The following GRM7 variants were observed in gnomAD, a reference collection of about 807,000 sequenced individuals.
GRM7 encodes the protein glutamate metabotropic receptor 7, also known as metabotropic glutamate receptor 7.
In GRM7, 35 loss-of-function variants were observed where a neutral mutation model predicts 84.5. The ratio of observed to expected loss-of-function variants is 0.41; its 90% CI spans 0.32 to 0.55. The LOEUF (loss-of-function observed/expected upper bound fraction) is 0.55. Ranked by LOEUF, GRM7 falls within the 20% of genes least tolerant of loss-of-function variation. The probability of loss-of-function intolerance (pLI) is 0.19; values close to 1 mark genes in which losing one functional copy is unlikely to be tolerated. For missense variants in GRM7, 1,003 were observed against 1,194.6 expected, an observed-to-expected ratio of 0.84 and a Z score of 2.36; for synonymous variants, 487 against 455.1, an observed-to-expected ratio of 1.07 and a Z score of -0.89.
intron 8 of GRM7, among the ~76,000 whole-genome samples, chr3:7,656,547 G>GCACACACACA (rs36040422): frequency 5.3e-4 from 74 of 139,208 alleles, no homozygotes; most frequent in African/African-American, 1.7e-3. Flanking sequence ...ATACGCGCGC[G>GCACACACACA]CACACACACA....
chr3:7,006,220 A>G (rs1695179809), intron 1 of GRM7, among the ~76,000 whole-genome samples: 1 of 152,186 alleles, frequency 6.6e-6, no homozygotes, highest in Non-Finnish European at 1.5e-5. Context: ...TCATAGCCTT[A>G]TCATTTTTAG....
At chr3:6,877,274 C>CTGATT (rs1206760568) in intron 1 of GRM7, among the ~76,000 whole-genome samples, 6 of 152,214 alleles carry the variant, frequency 3.9e-5, no homozygotes, top group African/African-American at 1.4e-4. Flanking sequence ...CTAGCTGATT[C>CTGATT]CACAGTGTCA....
chr3:7,341,552 C>A (rs767114749), intron 4 of GRM7, among the ~76,000 whole-genome samples: 8 of 152,042 alleles, frequency 5.3e-5, no homozygotes, highest in Non-Finnish European at 1.2e-4. Flanking sequence ...CAAGAGCTTG[C>A]AGTCTAGTAT....
At chr3:7,022,594 A>G (rs1366041216) in intron 1 of GRM7, among the ~76,000 whole-genome samples, 1 of 152,162 alleles carries the variant, frequency 6.6e-6, no homozygotes, top group Non-Finnish European at 1.5e-5. Context: ...AAAATGTTTA[A>G]GTATATATAT....
chr3:7,647,870 A>G (rs2125111098), intron 8 of GRM7, among the ~76,000 whole-genome samples: 1 of 152,340 alleles, frequency 6.6e-6, no homozygotes, highest in Non-Finnish European at 1.5e-5. Flanking sequence ...GGTTAGCAGG[A>G]AAGAAAATAA....
At chr3:7,048,270 G>T (rs752567970) in intron 1 of GRM7, among the ~76,000 whole-genome samples, 1 of 151,948 alleles carries the variant, frequency 6.6e-6, no homozygotes, top group Non-Finnish European at 1.5e-5. Flanking sequence ...CAAGCTCAGA[G>T]TTGGGTTACC....
At chr3:6,970,853 G>T (rs896318909) in intron 1 of GRM7, among the ~76,000 whole-genome samples, 15 of 152,044 alleles carry the variant, frequency 9.9e-5, no homozygotes, top group Non-Finnish European at 1.5e-4. Flanking sequence ...GTGGTGGCGG[G>T]CGCCTGTAGT....
At chr3:6,942,447 G>C (rs1198239949) in intron 1 of GRM7, among the ~76,000 whole-genome samples, 1 of 152,042 alleles carries the variant, frequency 6.6e-6, no homozygotes, top group African/African-American at 2.4e-5. Flanking sequence ...GCTTCCGTCA[G>C]ATTTATTTAC....
intron 6 of GRM7, 50 bp from the exon 7 acceptor site, chr3:7,461,533 A>C (rs776336220): frequency 3.4e-6 from 5 of 1,474,280 alleles, no homozygotes; most frequent in East Asian, 2.3e-5. Context: ...CAAGAGATAT[A>C]AGGAATCTTG....
At chr3:7,264,224 A>C (rs1698549328) in intron 2 of GRM7, among the ~76,000 whole-genome samples, 1 of 152,194 alleles carries the variant, frequency 6.6e-6, no homozygotes, top group Non-Finnish European at 1.5e-5. Flanking sequence ...ACCGCCCTGC[A>C]GAATTCAGAT....
intron 1 of GRM7, among the ~76,000 whole-genome samples, chr3:6,976,904 C>T (rs964268981): frequency 1.3e-5 from 2 of 152,140 alleles, no homozygotes; most frequent in African/African-American, 4.8e-5. Context: ...CTCCTTTTAA[C>T]TCATAGTTCT....
intron 2 of GRM7, among the ~76,000 whole-genome samples, chr3:7,159,752 G>A (rs770753108): frequency 6.0e-4 from 91 of 152,158 alleles, no homozygotes; most frequent in Non-Finnish European, 9.8e-4. Context: ...GTGTCAGGAC[G>A]TAGTAAGGAA....
At chr3:7,222,933 A>G (rs764004673) in intron 2 of GRM7, among the ~76,000 whole-genome samples, 3 of 152,222 alleles carry the variant, frequency 2.0e-5, no homozygotes, top group Admixed American at 6.5e-5. Context: ...TGCCATCAAC[A>G]TAAATGACAG....
chr3:7,416,115 A>G (rs114463497), intron 5 of GRM7, among the ~76,000 whole-genome samples: 3,436 of 152,204 alleles, frequency 0.023, 80 homozygotes, highest in South Asian at 0.049. Flanking sequence ...AGGTTGTGAA[A>G]AACAGAAAAA....
chr3:7,256,584 A>G (rs1698209616), intron 2 of GRM7, among the ~76,000 whole-genome samples: 1 of 152,082 alleles, frequency 6.6e-6, no homozygotes, highest in Non-Finnish European at 1.5e-5. Flanking sequence ...TGGCTATTTT[A>G]TCTGTGAAAC....
chr3:7,283,939 T>A (rs1180295228), intron 2 of GRM7, among the ~76,000 whole-genome samples: 1 of 152,184 alleles, frequency 6.6e-6, no homozygotes, highest in Non-Finnish European at 1.5e-5. Context: ...GTCAAACCAA[T>A]TCAGAAGATT....
intron 1 of GRM7, among the ~76,000 whole-genome samples, chr3:6,988,300 C>T (rs923809135): frequency 1.5e-4 from 23 of 151,046 alleles, no homozygotes; most frequent in African/African-American, 4.9e-4. Context: ...TGATCCACTG[C>T]GCCCAGCCCA....
chr3:7,040,532 T>C (rs987371257), intron 1 of GRM7, among the ~76,000 whole-genome samples: 1 of 151,964 alleles, frequency 6.6e-6, no homozygotes, highest in Non-Finnish European at 1.5e-5. Context: ...CTCGATCTCC[T>C]GACCTGGTGA....
chr3:7,568,726 G>C (rs1435572905), intron 7 of GRM7, among the ~76,000 whole-genome samples: 1 of 152,192 alleles, frequency 6.6e-6, no homozygotes, highest in Non-Finnish European at 1.5e-5. Flanking sequence ...GGCAATGAGG[G>C]GCTTAGCACC....
Sources: allele counts gnomAD v4.1 joint callset (sites outside exome capture counted in the v4.1 genomes callset), GRCh38; gene constraint gnomAD v4.1.1; transcripts MANE v1.5; gene names NCBI Gene and HGNC (gene_info 2026-07-23, HGNC 2026-07-21).